Variants in EXD1 observed in about 807,000 individuals in gnomAD.
EXD1 encodes piRNA biogenesis protein EXD1.
Under a neutral mutation model 49.1 loss-of-function variants are expected in EXD1, and 63 were observed. That is an observed-to-expected ratio of 1.28 (90% CI 1.05 to 1.58). The LOEUF is 1.58. Ranked by LOEUF, EXD1 falls within the 40% of genes most tolerant of loss-of-function variation. The probability of loss-of-function intolerance (pLI) is 0.00; values close to 1 mark genes in which losing one functional copy is unlikely to be tolerated. For missense variants in EXD1, 748 were observed against 666.0 expected (o/e 1.12, Z -1.36); for synonymous variants, 234 against 239.2 (o/e 0.98, Z 0.20).
Position 41,195,781 on chromosome 15 carries a change from G to T in EXD1, c.714C>A (p.Asp238Glu). Residue 238 changes from aspartate to glutamate, a missense_variant, in exon 9 of 12, where the codon GAC becomes GAA. By Grantham distance (45) the Asp-to-Glu change is conservative. Coordinates refer to ENST00000458580, the MANE Select transcript of EXD1 (RefSeq NM_001286441.2). The stretch of plus-strand genomic sequence containing the variant: ...AGTGCTTCCCTTCATGTACCTGTGT[G>T]TCAAAGACATTATTCAGCAAAATTC... The part of the protein sequence containing the change: ...QYGILLNNVF[D>E]TQVADVLQFS... 6.2e-7 allele frequency: 1 copy of T among 1,612,626 alleles called. No individual in the cohort carries two copies. Among genetic ancestry groups the T allele is most frequent in the Non-Finnish European group, 8.5e-7 (1 of 1,179,466 alleles).
intron 2 of EXD1, among the ~76,000 whole-genome samples, chr15:41,222,305 G>A (rs2047100367): frequency 1.3e-5 from 2 of 152,026 alleles, no homozygotes; most frequent in Non-Finnish European, 2.9e-5. Context: ...AATCCCAGCT[G>A]TTCAGAGGCC....
Position 41,216,762 on chromosome 15 carries a change from C to T in EXD1, c.294G>A (p.Met98Ile), listed in dbSNP as rs1222839396. The change falls in exon 5 of 12, where the codon ATG becomes ATA. Residue 98 changes from methionine (M) to isoleucine (I), a missense_variant. Met to Ile is a conservative substitution (Grantham distance 10). Transcript: ENST00000458580. ...LHAERTWMEK[M>I]KVEDLNVCEP... ...CACATACATTTAGGTCTTCAACTTT[C>T]ATTTTCTCCATCCAGGTTCTTTCTG... The T allele has an allele frequency of 1.7e-5, 27 of 1,613,752 alleles. No homozygotes were observed. The highest frequency in any genetic ancestry group is 2.1e-5 in the Non-Finnish European group (25 of 1,180,040).
intron 7 of EXD1, among the ~76,000 whole-genome samples, chr15:41,203,190 G>C (rs1456941083): frequency 6.6e-6 from 1 of 152,134 alleles, no homozygotes; most frequent in Non-Finnish European, 1.5e-5. Context: ...ACTAAGAAAA[G>C]TGAGGAGCTG....
chr15:41,188,803 CTTT>C (rs112364138), intron 11 of EXD1, among the ~76,000 whole-genome samples: 13 of 110,488 alleles, frequency 1.2e-4, no homozygotes, highest in Admixed American at 2.9e-4. Context: ...TTTCTTTCTT[CTTT>C]TTTTTTTTTT....
At chr15:41,185,784 G>C (rs2046398431) in intron 11 of EXD1, among the ~76,000 whole-genome samples, 1 of 152,080 alleles carries the variant, frequency 6.6e-6, no homozygotes, top group Admixed American at 6.6e-5. Flanking sequence ...GCCTCCCAAA[G>C]TGCTGGGATT....
At chr15:41,208,985 C>T (rs947124482) in intron 7 of EXD1, among the ~76,000 whole-genome samples, 1 of 129,384 alleles carries the variant, frequency 7.7e-6, no homozygotes, top group Non-Finnish European at 1.5e-5. Flanking sequence ...TGCTACTGAG[C>T]TTAAAAAAAA....
chr15:41,193,732 C>A (rs1325348712), intron 9 of EXD1, among the ~76,000 whole-genome samples: 2 of 147,014 alleles, frequency 1.4e-5, no homozygotes, highest in Non-Finnish European at 3.0e-5. Context: ...GGCAACAGAG[C>A]CAGACCTTGT....
In EXD1 at chr15:41,184,544, T is replaced by C. The variant is rs951758637; in HGVS notation, c.1106A>G (p.Gln369Arg). ...PEELLQLKDF[Q>R]KQRREKAARE... ...TGCAGCTTTCTCCCTGCGCTGCTTC[T>C]GGAAGTCCTTGAGTTGAAGCAGTTC... The change falls in exon 12 of 12, where the codon CAG becomes CGG. Residue 369 changes from glutamine (Q) to arginine (R), a missense_variant. By Grantham distance (43) the Gln-to-Arg change is conservative. Coordinates refer to ENST00000458580, the MANE Select transcript of EXD1 (RefSeq NM_001286441.2). 2 of 1,609,262 alleles carry C rather than the reference T, an allele frequency of 1.2e-6. 1 individual carries two copies. The highest frequency in any genetic ancestry group is 1.7e-6 in the Non-Finnish European group (2 of 1,178,752).
intron 3 of EXD1, among the ~76,000 whole-genome samples, chr15:41,218,668 A>G (rs1046309422): frequency 4.6e-5 from 7 of 152,182 alleles, no homozygotes; most frequent in Middle Eastern, 3.4e-3. Flanking sequence ...GCTTTCTCCA[A>G]TCCAGAGCTC....
intron 7 of EXD1, 37 bp downstream of exon 7, chr15:41,209,464 A>G (rs770852100): frequency 1.9e-6 from 3 of 1,585,830 alleles, no homozygotes; most frequent in Non-Finnish European, 1.7e-6. Context: ...TGGCTCTATA[A>G]TTACTTCAAA....
At chr15:41,205,157 C>T (rs1040729626) in intron 7 of EXD1, among the ~76,000 whole-genome samples, 72 of 152,082 alleles carry the variant, frequency 4.7e-4, no homozygotes, top group African/African-American at 1.5e-3. Context: ...TCTTAATCTG[C>T]CTTTTTGTGA....
rs1187093511 is a variant in EXD1 at position 41,203,916 on chromosome 15, C to CAA, written c.534+5583_534+5584dup. ...TGGGCAAAAGAGCAAGACTTCTCCT[C>CAA]AAAAAAAAAAAAAAAAAAAAAAAAA... On this transcript the variant is annotated intron_variant, in intron 7 of 11. Coordinates refer to ENST00000458580, the MANE Select transcript of EXD1 (RefSeq NM_001286441.2). 4.3e-3 allele frequency among the ~76,000 whole-genome samples: 99 copies of CAA among 23,222 alleles called. 18 individuals carry two copies. The highest frequency in any genetic ancestry group is 0.016 in the African/African-American group (59 of 3,644). The allele number at this position is 23,222 out of a possible 152,430, so 15.2% of individuals were successfully genotyped here. A position where few individuals can be genotyped will look rare whatever the true frequency, so the allele number is the denominator to read the frequency against.
At chr15:41,222,934 CAAAAAAAAAAAAA>C (rs562493256) in intron 2 of EXD1, among the ~76,000 whole-genome samples, 1 of 100,160 alleles carries the variant, frequency 1.0e-5, no homozygotes, top group African/African-American at 3.1e-5. Context: ...GACTCTGTCT[CAAAAAAAAAAAAA>C]AAAAAAAAAA....
chr15:41,204,704 C>T (rs1234477268), intron 7 of EXD1, among the ~76,000 whole-genome samples: 1 of 151,936 alleles, frequency 6.6e-6, no homozygotes, highest in Non-Finnish European at 1.5e-5. Context: ...ATACTCCAGC[C>T]TGGGCAACAG....
Position 41,184,354 on chromosome 15 carries a change from G to A in EXD1, c.1296C>T (p.His432=), listed in dbSNP as rs139103015. 44 of 1,614,040 alleles carry A rather than the reference G, an allele frequency of 2.7e-5. No homozygotes were observed. The highest frequency in any genetic ancestry group is 6.7e-5 in the African/African-American group (5 of 74,994). ...CTTCTTTCAGTAAATTCACATCCCC[G>A]TGAAAGTCTTGAGATGTAAAACTTG... ...KAPSFTSQDF[H]GDVNLLKEES... Residue 432 remains histidine (H), a synonymous_variant, in exon 12 of 12, where the codon CAC becomes CAT. Transcript: ENST00000458580.
At position 41,183,583 on chromosome 15, in the gene EXD1, CA is replaced by C. The variant is rs1449242857; in HGVS notation, c.*347del. 3 of 179,668 alleles carry C rather than the reference CA, an allele frequency of 1.7e-5. No homozygotes were observed. Among genetic ancestry groups the C allele is most frequent in the Non-Finnish European group, 3.4e-5 (3 of 87,158 alleles). The allele number at this position is 179,668 out of a possible 1,614,324, so 11.1% of individuals were successfully genotyped here. On this transcript the variant is annotated 3_prime_UTR_variant, in exon 12 of 12. Coordinates refer to ENST00000458580, the MANE Select transcript of EXD1 (RefSeq NM_001286441.2). ...GGTCTCTTCAAAGGAATCCAAAAGT[CA>C]AGAAGCAAAACAAAATTTGAAAATG...
At chr15:41,226,701 T>C (rs968868064) in intron 1 of EXD1, 73 bp from the exon 2 acceptor site, 4 of 1,174,586 alleles carry the variant, frequency 3.4e-6, no homozygotes, top group Non-Finnish European at 4.6e-6. Context: ...CCTTTCCCCA[T>C]ATCTGTAATG....
At position 41,195,926 on chromosome 15, in the gene EXD1, T is replaced by C. The variant is rs1044870493; in HGVS notation, c.639+7A>G. Reference sequence around the variant, plus strand: ...TTAATAGCACAGGAATCAGTTTATATACTTACCTTCAAAATTCTCTTGTCT... The same window carrying C: ...TTAATAGCACAGGAATCAGTTTATACACTTACCTTCAAAATTCTCTTGTCT... On this transcript the variant is annotated splice_region_variant and intron_variant, in intron 8 of 11. Transcript: ENST00000458580. 13 of 1,610,384 alleles carry C rather than the reference T, an allele frequency of 8.1e-6. No individual in the cohort carries two copies. The highest frequency in any genetic ancestry group is 1.1e-5 in the Non-Finnish European group (13 of 1,178,348).
chr15:41,223,160 C>T (rs979006739), intron 2 of EXD1, among the ~76,000 whole-genome samples: 2 of 152,164 alleles, frequency 1.3e-5, no homozygotes, highest in African/African-American at 4.8e-5. Context: ...GTGGCTCACA[C>T]TTCTAATTCC....
Sources: gnomAD v4.1 joint callset for allele counts (sites outside exome capture counted in the v4.1 genomes callset) on GRCh38, gnomAD v4.1.1 for gene constraint, MANE v1.5 for transcripts, NCBI Gene and HGNC (gene_info 2026-07-23, HGNC 2026-07-21) for gene names.